The following SF3B3 variants were observed in gnomAD, a reference collection of about 807,000 sequenced individuals.
SF3B3 encodes splicing factor 3b subunit 3.
SF3B3 carries 33 observed loss-of-function variants against 139.2 expected under a neutral mutation model. The ratio of observed to expected loss-of-function variants is 0.24; its 90% confidence interval spans 0.18 to 0.32. The LOEUF is 0.32. Ranked by LOEUF, SF3B3 falls within the 10% of genes least tolerant of loss-of-function variation. The pLI is 1.00. For synonymous variants in SF3B3, 596 were observed against 563.6 expected, an observed-to-expected ratio of 1.06 and a Z score of -0.81; for missense variants, 818 against 1,509.4, an observed-to-expected ratio of 0.54 and a Z score of 7.59.
chr16:70,535,466 G>C, intron 6 of SF3B3, 46 bp downstream of exon 6: 1 of 1,138,538 alleles, frequency 8.8e-7, no homozygotes, highest in Non-Finnish European at 1.3e-6. Flanking sequence ...TTTAATTTTT[G>C]TGATTACAGT....
chr16:70,542,202 C>T (rs563255769), intron 9 of SF3B3, among the ~76,000 whole-genome samples: 16 of 143,732 alleles, frequency 1.1e-4, no homozygotes, highest in South Asian at 1.1e-3. Context: ...TCTGCATTTA[C>T]AATCATGTAT....
At chr16:70,566,416 G>A (rs2050477400) in intron 20 of SF3B3, among the ~76,000 whole-genome samples, 1 of 151,840 alleles carries the variant, frequency 6.6e-6, no homozygotes, top group Non-Finnish European at 1.5e-5. Context: ...TAAAAAATCA[G>A]CCAAGCATGG....
intron 9 of SF3B3, 78 bp downstream of exon 9, chr16:70,541,912 G>C (rs2050221924): frequency 7.8e-7 from 1 of 1,288,112 alleles, no homozygotes; most frequent in South Asian, 1.5e-5. Context: ...AGCTTTATTA[G>C]TATTTCCATG....
chr16:70,562,698 C>T (rs2050440373), intron 17 of SF3B3, among the ~76,000 whole-genome samples: 1 of 152,164 alleles, frequency 6.6e-6, no homozygotes, highest in Non-Finnish European at 1.5e-5. Flanking sequence ...TTTAGACAAT[C>T]GCTACAGATT....
At chr16:70,525,315 C>T (rs550031455) in intron 1 of SF3B3, among the ~76,000 whole-genome samples, 1 of 152,174 alleles carries the variant, frequency 6.6e-6, no homozygotes, top group East Asian at 1.9e-4. Context: ...GCGTGAGCCA[C>T]CACTGCGCCT....
intron 5 of SF3B3, 71 bp downstream of exon 5, chr16:70,532,691 A>G (rs936260962): frequency 1.4e-6 from 2 of 1,460,560 alleles, no homozygotes; most frequent in African/African-American, 1.4e-5. Context: ...AATAGGTTTT[A>G]CTTAAAGGGT....
chr16:70,528,706 C>T (rs1206097671), intron 2 of SF3B3, among the ~76,000 whole-genome samples, 167 bp from the exon 3 acceptor site: 1 of 151,936 alleles, frequency 6.6e-6, no homozygotes. Context: ...CAACCTCTAC[C>T]TCCTGGGTTC....
chr16:70,542,461 A>G (rs2050228359), intron 9 of SF3B3, among the ~76,000 whole-genome samples: 1 of 152,180 alleles, frequency 6.6e-6, no homozygotes, highest in South Asian at 2.1e-4. Context: ...GCTGGTGCTC[A>G]GTTGTGACAG....
In SF3B3 at chr16:70,575,130, C is replaced by T. The variant is rs2050565373; in HGVS notation, c.*3317C>T. 6.6e-6 allele frequency: 1 copy of T among 151,598 alleles called. No individual in the cohort carries two copies. The allele number at this position is 151,598 out of a possible 1,614,324, so 9.4% of individuals were successfully genotyped here. The stretch of plus-strand genomic sequence containing the variant: ...CTGAAATGGGCAGGTGTAGGCTACA[C>T]ACCAGTCTGAACCAGCACAACCAAG... On this transcript the variant is annotated 3_prime_UTR_variant, in exon 26 of 26. Transcript: ENST00000302516.
chr16:70,570,211 C>T (rs2050515186), intron 24 of SF3B3, 62 bp downstream of exon 24: 2 of 1,503,140 alleles, frequency 1.3e-6, no homozygotes, highest in East Asian at 4.5e-5. Flanking sequence ...GCTGGATCTA[C>T]CTAAGAGGTC....
intron 1 of SF3B3, among the ~76,000 whole-genome samples, chr16:70,525,243 GTCTCAAT>G (rs1196985250): frequency 6.6e-6 from 1 of 151,632 alleles, no homozygotes; most frequent in Non-Finnish European, 1.5e-5. Flanking sequence ...GGCCAGGCTG[GTCTCAAT>G]TCCTGACCTC....
chr16:70,553,922 T>A (rs979595765), intron 11 of SF3B3, among the ~76,000 whole-genome samples: 6 of 152,194 alleles, frequency 3.9e-5, no homozygotes, highest in Non-Finnish European at 1.5e-5. Flanking sequence ...TCATTCCCAT[T>A]GGGACTAGGA....
chr16:70,558,446 A>G (rs1343467631), intron 15 of SF3B3, among the ~76,000 whole-genome samples: 2 of 152,080 alleles, frequency 1.3e-5, no homozygotes, highest in Non-Finnish European at 2.9e-5. Flanking sequence ...AACTCTGTAT[A>G]TCTGAAATCA....
At position 70,572,365 on chromosome 16, in the gene SF3B3, A is replaced by G. The variant is rs2151796744; in HGVS notation, c.*552A>G. ...GGGAGGTTTGAACCCAAGTTAGAGCAGGAAGAACTGAGTAGACTCCTTCCT... is the reference window on the plus strand; with the variant it reads ...GGGAGGTTTGAACCCAAGTTAGAGCGGGAAGAACTGAGTAGACTCCTTCCT... On this transcript the variant is annotated 3_prime_UTR_variant, in exon 26 of 26. Transcript: ENST00000302516. The G allele has an allele frequency of 4.1e-6, 1 of 246,890 alleles. No homozygotes were observed. Among genetic ancestry groups the G allele is most frequent in the South Asian group, 4.0e-5 (1 of 24,718 alleles). 15.3% of individuals were successfully genotyped at this position (246,890 alleles called of 1,614,324 possible).
intron 10 of SF3B3, among the ~76,000 whole-genome samples, 180 bp from the exon 11 acceptor site, chr16:70,548,190 A>C (rs986687875): frequency 5.3e-5 from 8 of 152,122 alleles, no homozygotes; most frequent in African/African-American, 1.9e-4. Context: ...TGTCATGGGG[A>C]TTGCCACTAA....
chr16:70,526,171 A>G (rs1284079906), intron 1 of SF3B3, among the ~76,000 whole-genome samples: 3 of 151,856 alleles, frequency 2.0e-5, no homozygotes, highest in African/African-American at 7.3e-5. Flanking sequence ...ATTCTATACT[A>G]ATGACCTTGG....
chr16:70,544,657 C>T, intron 10 of SF3B3, 124 bp downstream of exon 10: 1 of 640,538 alleles, frequency 1.6e-6, no homozygotes, highest in Non-Finnish European at 2.8e-6. Context: ...TATGTTCTTT[C>T]TCCCTGACTT....
chr16:70,529,448 G>T (rs2151774717), intron 3 of SF3B3: 2 of 502,748 alleles, frequency 4.0e-6, no homozygotes, highest in East Asian at 3.4e-5. Flanking sequence ...CTTTTTCTTT[G>T]GCAAAAAGAC....
At chr16:70,568,790 TA>T (rs1158677583) in intron 22 of SF3B3, among the ~76,000 whole-genome samples, 2 of 152,242 alleles carry the variant, frequency 1.3e-5, no homozygotes, top group Non-Finnish European at 2.9e-5. Flanking sequence ...GAATGTCTGT[TA>T]TCTATGTTGT....
Sources: allele counts gnomAD v4.1 joint callset (sites outside exome capture counted in the v4.1 genomes callset), GRCh38; gene constraint gnomAD v4.1.1; transcripts MANE v1.5; gene names NCBI Gene and HGNC (gene_info 2026-07-23, HGNC 2026-07-21).